COL14A1: variants seen among roughly 807,000 people sequenced by gnomAD.
COL14A1 encodes collagen type XIV alpha 1 chain.
COL14A1 carries 136 observed loss-of-function variants against 230.3 expected under a neutral mutation model. The observed-to-expected ratio is 0.59, with a 90% CI of 0.51 to 0.68. COL14A1 has a LOEUF of 0.68. COL14A1 is among the 30% of genes least tolerant of loss of function. COL14A1 has a pLI of 0.00. For synonymous variants in COL14A1, 792 were observed against 784.1 expected (o/e 1.01, Z -0.17); for missense variants, 1,976 against 2,215.8 (o/e 0.89, Z 2.17).
intron 45 of COL14A1, among the ~76,000 whole-genome samples, chr8:120,364,572 A>C (rs1823338545): frequency 6.6e-6 from 1 of 152,152 alleles, no homozygotes. Flanking sequence ...TGTAGTTTGT[A>C]ATATAATAAC....
intron 26 of COL14A1, among the ~76,000 whole-genome samples, chr8:120,275,269 A>G (rs781748862): frequency 6.6e-6 from 1 of 151,824 alleles, no homozygotes; most frequent in Admixed American, 6.6e-5. Context: ...AATAAATGGC[A>G]CTGGGAAAAC....
At chr8:120,222,499 A>G (rs942554963) in intron 14 of COL14A1, among the ~76,000 whole-genome samples, 1 of 152,092 alleles carries the variant, frequency 6.6e-6, no homozygotes, top group Admixed American at 6.6e-5. Context: ...CTTCATATCC[A>G]TGTGTGACCC....
intron 5 of COL14A1, among the ~76,000 whole-genome samples, chr8:120,175,885 T>A (rs879619804): frequency 5.3e-5 from 8 of 152,212 alleles, no homozygotes; most frequent in Admixed American, 1.3e-4. Flanking sequence ...TTGCATAGGC[T>A]GTACTCATAA....
intron 12 of COL14A1, among the ~76,000 whole-genome samples, chr8:120,211,326 C>T (rs1817610953): frequency 6.6e-6 from 1 of 152,020 alleles, no homozygotes. Flanking sequence ...TCAACTCTGT[C>T]CTTATGTATC....
chr8:120,344,660 A>G (rs187491766), intron 44 of COL14A1, among the ~76,000 whole-genome samples: 1 of 152,320 alleles, frequency 6.6e-6, no homozygotes, highest in African/African-American at 2.4e-5. Context: ...TTTAGTTTTA[A>G]ATGTTTCAAA....
At chr8:120,273,515 A>G (rs1586822075) in intron 26 of COL14A1, among the ~76,000 whole-genome samples, 1 of 151,956 alleles carries the variant, frequency 6.6e-6, no homozygotes, top group Non-Finnish European at 1.5e-5. Context: ...TGGTTCTTTG[A>G]AAAGATAAAC....
At chr8:120,248,071 C>T (rs1443063301) in intron 21 of COL14A1, among the ~76,000 whole-genome samples, 1 of 152,108 alleles carries the variant, frequency 6.6e-6, no homozygotes, top group Non-Finnish European at 1.5e-5. Context: ...GCTTTATGCT[C>T]AATAAAGACA....
rs1820114375 is a variant in COL14A1 at position 120,283,853 on chromosome 8, T to C, written c.3967+75T>C. On this transcript the variant is annotated intron_variant, in intron 32 of 47. Transcript: ENST00000297848. ...TATGTGGCATGCCATTTTGCCTGTT[T>C]GTGTATATTACAGAGTAACTCACTA... 4 of 1,279,516 alleles carry C rather than the reference T, an allele frequency of 3.1e-6. No homozygotes were observed. In the East Asian group the frequency reaches 9.4e-5, roughly 30 times the overall value. The allele number at this position is 1,279,516 out of a possible 1,614,324, so 79.3% of individuals were successfully genotyped here. A position where few individuals can be genotyped will look rare whatever the true frequency, so the allele number is the denominator to read the frequency against.
At chr8:120,199,627 A>C (rs955077246) in intron 8 of COL14A1, 61 bp downstream of exon 8, 2 of 1,516,756 alleles carry the variant, frequency 1.3e-6, no homozygotes, top group Non-Finnish European at 1.8e-6. Context: ...ACTTAAAACA[A>C]TATGTAATGT....
At chr8:120,291,615 G>C (rs1003679824) in intron 34 of COL14A1, among the ~76,000 whole-genome samples, 3 of 148,480 alleles carry the variant, frequency 2.0e-5, no homozygotes, top group Admixed American at 6.7e-5. Flanking sequence ...AACCATTCTA[G>C]GTATATGAGA....
chr8:120,326,772 T>C (rs1821683719), intron 40 of COL14A1, among the ~76,000 whole-genome samples: 1 of 152,192 alleles, frequency 6.6e-6, no homozygotes, highest in African/African-American at 2.4e-5. Flanking sequence ...ATGCCCGTAA[T>C]CCCAGCACTT....
chr8:120,358,120 A>G (rs1161559869), intron 45 of COL14A1, among the ~76,000 whole-genome samples: 2 of 152,244 alleles, frequency 1.3e-5, no homozygotes, highest in African/African-American at 2.4e-5. Context: ...ATGGAAGCTA[A>G]TATCATTGTT....
chr8:120,266,648 G>A (rs1819508064), intron 24 of COL14A1, among the ~76,000 whole-genome samples, 179 bp from the exon 25 acceptor site: 1 of 152,034 alleles, frequency 6.6e-6, no homozygotes, highest in African/African-American at 2.4e-5. Flanking sequence ...GTCTGAGGAT[G>A]AGACGATGGA....
intron 31 of COL14A1, among the ~76,000 whole-genome samples, chr8:120,281,589 A>G (rs542705632): frequency 6.6e-6 from 1 of 151,218 alleles, no homozygotes; most frequent in African/African-American, 2.4e-5. Context: ...AAAAGTTGAT[A>G]CTTATATAGC....
intron 33 of COL14A1, among the ~76,000 whole-genome samples, chr8:120,289,318 G>A (rs1337812279): frequency 1.3e-5 from 2 of 152,152 alleles, no homozygotes; most frequent in Admixed American, 6.5e-5. Context: ...CAGCAGTCCT[G>A]TAATTTCAAA....
At chr8:120,142,151 C>A (rs1055525505) in intron 1 of COL14A1, among the ~76,000 whole-genome samples, 2 of 151,922 alleles carry the variant, frequency 1.3e-5, no homozygotes, top group Admixed American at 6.6e-5. Context: ...ATTGAAACCT[C>A]TGGTTATAAT....
At chr8:120,370,509 T>G in intron 47 of COL14A1, 1 of 1,491,922 alleles carries the variant, frequency 6.7e-7, no homozygotes. Context: ...CATCCCTGCC[T>G]TCCCACTTTC....
intron 5 of COL14A1, among the ~76,000 whole-genome samples, chr8:120,180,289 A>G (rs1278246486): frequency 1.4e-4 from 22 of 152,180 alleles, no homozygotes. Flanking sequence ...CCATTTATTT[A>G]TTGGTCCTCA....
intron 1 of COL14A1, among the ~76,000 whole-genome samples, chr8:120,134,030 TA>T (rs1814630275): frequency 6.6e-6 from 1 of 152,068 alleles, no homozygotes; most frequent in Non-Finnish European, 1.5e-5. Context: ...ATGTATATAA[TA>T]TGTAGAAATA....
Sources: gnomAD v4.1 joint callset for allele counts (sites outside exome capture counted in the v4.1 genomes callset) on GRCh38, gnomAD v4.1.1 for gene constraint, MANE v1.5 for transcripts, NCBI Gene and HGNC (gene_info 2026-07-23, HGNC 2026-07-21) for gene names.